Variants in CYP24A1 observed in about 807,000 individuals in gnomAD.
CYP24A1 encodes the protein cytochrome P450 family 24 subfamily A member 1.
A neutral mutation model predicts 62.4 loss-of-function variants in CYP24A1; 68 were observed. That is an observed-to-expected ratio of 1.09 (90% CI 0.90 to 1.33). CYP24A1 has a LOEUF of 1.33. Ranked by LOEUF, CYP24A1 falls within the 40% of genes most tolerant of loss-of-function variation. The pLI is 0.00. For synonymous variants in CYP24A1, 267 were observed against 253.0 expected, an observed-to-expected ratio of 1.06 and a Z score of -0.52; for missense variants, 787 against 653.0, an observed-to-expected ratio of 1.21 and a Z score of -2.24.
chr20:54,151,264 G>A (rs1441354406), downstream of CYP24A1, among the ~76,000 whole-genome samples: 3 of 152,130 alleles, frequency 2.0e-5, no homozygotes, highest in Admixed American at 6.5e-5. Flanking sequence ...TGTTGCCATG[G>A]CATTTGTAAA....
intron 9 of CYP24A1, 34 bp downstream of exon 9, chr20:54,158,052 T>G: frequency 6.2e-7 from 1 of 1,611,756 alleles, no homozygotes; most frequent in Non-Finnish European, 8.5e-7. Flanking sequence ...CTTCCAAGGT[T>G]TTGTAAGGTA....
intron 4 of CYP24A1, among the ~76,000 whole-genome samples, chr20:54,167,284 G>T (rs1264118924): frequency 6.6e-6 from 1 of 152,164 alleles, no homozygotes; most frequent in Non-Finnish European, 1.5e-5. Context: ...GTTCCACAGT[G>T]GTTGGCAGGT....
Position 54,173,142 on chromosome 20 carries a change from C to T in CYP24A1, c.259-43G>A, listed in dbSNP as rs749759869. The T allele has an allele frequency of 1.0e-5, 16 of 1,594,616 alleles. No individual in the cohort carries two copies. The South Asian group carries it at 1.1e-4, about 11-fold the overall frequency. Reference sequence around the variant, plus strand: ...CAGCGCGGTGTCAGCGCGCATCCTCCGCCGTGCCCGAAGCGCTTTCCCTCC... The same window carrying T: ...CAGCGCGGTGTCAGCGCGCATCCTCTGCCGTGCCCGAAGCGCTTTCCCTCC... On this transcript the variant is annotated intron_variant, in intron 1 of 11. Coordinates refer to ENST00000216862, the MANE Select transcript of CYP24A1 (RefSeq NM_000782.5). This position sits in a 1 kb window ranked among gnomAD's most constrained non-coding sequence, Gnocchi z 7.2.
chr20:54,159,164 A>G, intron 7 of CYP24A1, 41 bp from the exon 8 acceptor site: 1 of 1,488,174 alleles, frequency 6.7e-7, no homozygotes, highest in Non-Finnish European at 9.4e-7. Flanking sequence ...TTTGTAAATA[A>G]CTGCATTAAA....
intron 9 of CYP24A1, among the ~76,000 whole-genome samples, 195 bp downstream of exon 9, chr20:54,157,891 A>T (rs188170109): frequency 2.4e-4 from 37 of 152,364 alleles, no homozygotes; most frequent in African/African-American, 8.9e-4. Flanking sequence ...ATAAAAGATG[A>T]AACTGAATGC....
At chr20:54,159,271 A>G in intron 7 of CYP24A1, 148 bp from the exon 8 acceptor site, 1 of 667,488 alleles carries the variant, frequency 1.5e-6, no homozygotes, top group Non-Finnish European at 2.7e-6. Flanking sequence ...GCCTTTAGAC[A>G]AATCCAATAT....
chr20:54,168,564 C>A (rs1448928461), intron 4 of CYP24A1, among the ~76,000 whole-genome samples: 1 of 152,202 alleles, frequency 6.6e-6, no homozygotes, highest in Non-Finnish European at 1.5e-5. Flanking sequence ...TGGAACAATC[C>A]TCCACAGGTA....
In CYP24A1 at chr20:54,173,335, T is replaced by C. The variant is rs780879187; in HGVS notation, c.245A>G (p.Gln82Arg). Reference protein sequence around the residue: ...QILWKGGLKKQHDTLVEYHKK... With the variant: ...QILWKGGLKKRHDTLVEYHKK... ...AAAGGGGTTTACCAGGGTGTCGTGC[T>C]GTTTCTTGAGACCCCCTTTCCAGAG... Residue 82 changes from glutamine to arginine, a missense_variant, in exon 1 of 12, where the codon CAG becomes CGG. By Grantham distance (43) the Gln-to-Arg change is conservative. Transcript: ENST00000216862. The surrounding 1 kb of genome is among the most constrained non-coding windows in gnomAD (Gnocchi z 7.2). 3 of 1,608,802 alleles carry C rather than the reference T, an allele frequency of 1.9e-6. No homozygotes were observed. Among genetic ancestry groups the C allele is most frequent in the Non-Finnish European group, 2.5e-6 (3 of 1,177,092 alleles).
In CYP24A1 at chr20:54,162,342, T is replaced by C. The variant is rs189400920; in HGVS notation, c.990+375A>G. On this transcript the variant is annotated intron_variant, in intron 7 of 11. Coordinates refer to ENST00000216862, the MANE Select transcript of CYP24A1 (RefSeq NM_000782.5). ...CCAATTTTGAAAAATCTGGATTCTG[T>C]ATCTTGCCAGGGCAGAGAACTTTAC... Among the ~76,000 whole-genome samples the C allele has an allele frequency of 5.3e-5, 8 of 150,108 alleles. No individual in the cohort carries two copies. The East Asian group carries it at 1.4e-3, about 26-fold the overall frequency.
At position 54,173,525 on chromosome 20, in the gene CYP24A1, G is replaced by T; in HGVS notation, c.55C>A (p.Arg19Ser). The T allele has an allele frequency of 6.4e-7, 1 of 1,573,496 alleles. No individual in the cohort carries two copies. The change falls in exon 1 of 12, where the codon CGC (arginine) becomes AGC (serine). Residue 19 changes from arginine to serine, a missense_variant. Physicochemically the swap from Arg to Ser is moderately radical, Grantham distance 110. Transcript: ENST00000216862. This position sits in a 1 kb window ranked among gnomAD's most constrained non-coding sequence, Gnocchi z 7.2. Reference protein sequence around the residue: ...RSLAAFLQQLRSPRQPPRLVT... With the variant: ...RSLAAFLQQLSSPRQPPRLVT... The stretch of plus-strand genomic sequence containing the variant: ...AGTCTCGGGGGCTGCCTCGGACTGC[G>T]CAGCTGCTGCAGGAAGGCGGCAAGC...
chr20:54,150,720 C>T (rs1038925084), downstream of CYP24A1, among the ~76,000 whole-genome samples: 3 of 152,196 alleles, frequency 2.0e-5, no homozygotes, highest in African/African-American at 7.2e-5. Context: ...TTTACTTAAC[C>T]TCTCTGAGCC....
the CYP24A1 span, among the ~76,000 whole-genome samples, chr20:54,145,155 T>G: frequency 1.3e-5 from 2 of 152,220 alleles, no homozygotes; most frequent in African/African-American, 4.8e-5. Flanking sequence ...TTCCGGCATT[T>G]CTACACTCTT....
chr20:54,157,715 A>T (rs577970144), intron 9 of CYP24A1, 130 bp from the exon 10 acceptor site: 2 of 746,032 alleles, frequency 2.7e-6, no homozygotes. Flanking sequence ...ATGGTTGCCA[A>T]CATGCGCTGA....
intron 7 of CYP24A1, among the ~76,000 whole-genome samples, chr20:54,159,997 T>A (rs1301451544): frequency 1.3e-5 from 2 of 152,192 alleles, no homozygotes; most frequent in East Asian, 3.8e-4. Context: ...CCTCAGGGTG[T>A]TGCTAATGAG....
Position 54,162,834 on chromosome 20 carries a change from C to G in CYP24A1, c.873G>C (p.Glu291Asp). The change falls in exon 7 of 12, where the codon GAG becomes GAC. Residue 291 changes from glutamate to aspartate, a missense_variant. Coordinates refer to ENST00000216862, the MANE Select transcript of CYP24A1 (RefSeq NM_000782.5). Reference sequence around the variant, plus strand: ...CTGCACTAGGCTGCTGAGAATACTTCTCTAACCGGTTGTCGATACAAGCTT... The same window carrying G: ...CTGCACTAGGCTGCTGAGAATACTTGTCTAACCGGTTGTCGATACAAGCTT... ...SVKACIDNRL[E>D]KYSQQPSADF... is the part of the protein sequence containing the mutation. 1.3e-6 allele frequency: 2 copies of G among 1,574,736 alleles called. No homozygotes were observed. The highest frequency in any genetic ancestry group is 1.7e-6 in the Non-Finnish European group (2 of 1,144,294).
intron 4 of CYP24A1, among the ~76,000 whole-genome samples, chr20:54,167,890 C>A (rs1157295100): frequency 6.6e-6 from 1 of 152,164 alleles, no homozygotes; most frequent in Non-Finnish European, 1.5e-5. Context: ...CCACAGTGAT[C>A]CTCCCAGTAA....
chr20:54,166,278 A>C (rs576927240), intron 4 of CYP24A1, among the ~76,000 whole-genome samples: 20 of 152,248 alleles, frequency 1.3e-4, no homozygotes, highest in Admixed American at 5.2e-4. Context: ...CACCCATTAC[A>C]CGCCAGGTAC....
chr20:54,163,839 A>C (rs902072917), intron 6 of CYP24A1, among the ~76,000 whole-genome samples: 1 of 152,216 alleles, frequency 6.6e-6, no homozygotes, highest in Admixed American at 6.5e-5. Flanking sequence ...TTTTAGAGAC[A>C]AGGCAACTGA....
At chr20:54,163,828 A>C (rs2092661399) in intron 6 of CYP24A1, among the ~76,000 whole-genome samples, 1 of 152,230 alleles carries the variant, frequency 6.6e-6, no homozygotes. Context: ...TTATTAGTCC[A>C]TTTTAGAGAC....
Sources: gnomAD v4.1 joint callset for allele counts (sites outside exome capture counted in the v4.1 genomes callset) on GRCh38, gnomAD v4.1.1 for gene constraint, Gnocchi (gnomAD v3.1) non-coding constraint, MANE v1.5 for transcripts, NCBI Gene and HGNC (gene_info 2026-07-23, HGNC 2026-07-21) for gene names.